The following POLDIP3 variants were observed in gnomAD, a reference collection of about 807,000 sequenced individuals.
The protein encoded by POLDIP3 is DNA polymerase delta interacting protein 3.
POLDIP3 carries 14 observed loss-of-function variants against 45.1 expected under a neutral mutation model. That is an observed-to-expected ratio of 0.31 (90% CI 0.20 to 0.49). POLDIP3 has a LOEUF of 0.49. Ranked by LOEUF, POLDIP3 falls within the 20% of genes least tolerant of loss-of-function variation. The probability of loss-of-function intolerance (pLI) is 0.99; values close to 1 mark genes in which losing one functional copy is unlikely to be tolerated. For synonymous variants in POLDIP3, 223 were observed against 205.2 expected, an observed-to-expected ratio of 1.09 and a Z score of -0.74; for missense variants, 511 against 538.8, an observed-to-expected ratio of 0.95 and a Z score of 0.51.
intron 7 of POLDIP3, 78 bp downstream of exon 7, chr22:42,591,877 T>G (rs1025951448): frequency 1.9e-6 from 3 of 1,585,254 alleles, no homozygotes; most frequent in African/African-American, 1.3e-5. Context: ...TCACAGAGAC[T>G]TCCCCTGGAA....
chr22:42,605,833 T>G (rs1433304104), intron 1 of POLDIP3, among the ~76,000 whole-genome samples: 1 of 152,168 alleles, frequency 6.6e-6, no homozygotes, highest in East Asian at 1.9e-4. Context: ...GACTATGCTT[T>G]GGGGTGACCT....
In POLDIP3 at chr22:42,602,776, G is replaced by A. The variant is rs533856422; in HGVS notation, c.444C>T (p.Thr148=). The part of the protein sequence containing the change: ...TVTPALKLTK[T]IQVPQQKAMA... The stretch of plus-strand genomic sequence containing the variant: ...GACAAAAGCCACAACTCACCTGGAT[G>A]GTTTTGGTGAGCTTCAGAGCAGGGG... Residue 148 remains threonine, a synonymous_variant, in exon 2 of 9, where the codon ACC becomes ACT. Coordinates refer to ENST00000252115, the MANE Select transcript of POLDIP3 (RefSeq NM_032311.5). 6 of 1,596,120 alleles carry A rather than the reference G, an allele frequency of 3.8e-6. No homozygotes were observed. In the South Asian group the frequency reaches 6.7e-5, roughly 18 times the overall value.
intron 1 of POLDIP3, among the ~76,000 whole-genome samples, chr22:42,606,411 G>A (rs1325848146): frequency 1.3e-5 from 2 of 152,110 alleles, no homozygotes; most frequent in Non-Finnish European, 2.9e-5. Flanking sequence ...CAGGAGGATG[G>A]CTTGAGCCCA....
intron 1 of POLDIP3, among the ~76,000 whole-genome samples, chr22:42,605,217 TC>T (rs1926647567): frequency 6.6e-6 from 1 of 152,228 alleles, no homozygotes; most frequent in Non-Finnish European, 1.5e-5. Context: ...AAGCTCCGCC[TC>T]CCGGGTTCAT....
chr22:42,602,186 C>A, intron 2 of POLDIP3, 130 bp from the exon 3 acceptor site: 1 of 1,404,654 alleles, frequency 7.1e-7, no homozygotes. Context: ...TACAGAGGGC[C>A]TTATCCTCCA....
intron 7 of POLDIP3, among the ~76,000 whole-genome samples, chr22:42,588,069 T>C (rs1487955578): frequency 2.0e-5 from 3 of 152,190 alleles, no homozygotes; most frequent in Non-Finnish European, 4.4e-5. Flanking sequence ...AACATTTCCA[T>C]ATCTTACTCG....
chr22:42,586,016 G>C, intron 8 of POLDIP3, 48 bp from the exon 9 acceptor site: 1 of 1,517,830 alleles, frequency 6.6e-7, no homozygotes, highest in Non-Finnish European at 8.9e-7. Flanking sequence ...TTTTTCCTTA[G>C]ATGGGGAGGG....
chr22:42,603,084 G>A lies in POLDIP3; in HGVS notation c.136C>T (p.Arg46Cys), dbSNP rs758458133. ...IQQGLLSQST[R>C]TATFQQRFDA... ...AATCTCTGCTGGAAGGTGGCTGTGC[G>A]TGTTGACTGGCTGAGAAGGCCTTGC... is the stretch of plus-strand genomic sequence containing the variant. Residue 46 changes from arginine to cysteine, a missense_variant, in exon 2 of 9, where the codon CGC (arginine) becomes TGC (cysteine). By Grantham distance (180) the Arg-to-Cys change is radical. Coordinates refer to ENST00000252115, the MANE Select transcript of POLDIP3 (RefSeq NM_032311.5). 8.7e-6 allele frequency: 14 copies of A among 1,614,074 alleles called. No individual in the cohort carries two copies. The highest frequency in any genetic ancestry group is 2.7e-5 in the African/African-American group (2 of 74,922).
intron 3 of POLDIP3, among the ~76,000 whole-genome samples, chr22:42,600,158 A>T (rs939775768): frequency 6.6e-6 from 1 of 152,254 alleles, no homozygotes; most frequent in African/African-American, 2.4e-5. Context: ...ATTTACAAAG[A>T]TGTTCACAGC....
intron 7 of POLDIP3, 65 bp from the exon 8 acceptor site, chr22:42,587,637 G>A: frequency 6.9e-7 from 1 of 1,446,618 alleles, no homozygotes; most frequent in Non-Finnish European, 9.7e-7. Context: ...AAGAGGACAA[G>A]GGCTGTACCT....
At chr22:42,602,194 C>T (rs1207631148) in intron 2 of POLDIP3, 138 bp from the exon 3 acceptor site, 3 of 1,322,232 alleles carry the variant, frequency 2.3e-6, no homozygotes, top group African/African-American at 2.9e-5. Flanking sequence ...GCCTTATCCT[C>T]CACAGTAGGA....
rs1925145614 is a variant in POLDIP3, at chr22:42,584,168, A to G, written c.*1623T>C. On this transcript the variant is annotated 3_prime_UTR_variant, in exon 9 of 9. Coordinates refer to ENST00000252115, the MANE Select transcript of POLDIP3 (RefSeq NM_032311.5). ...TGCCTTCTGGATGCTCTCTTGGGCCAGGAAGGGAAAAGTGTGGGAGGAATG... is the reference window on the plus strand; with the variant it reads ...TGCCTTCTGGATGCTCTCTTGGGCCGGGAAGGGAAAAGTGTGGGAGGAATG... 6.5e-6 allele frequency: 1 copy of G among 153,034 alleles called. No individual in the cohort carries two copies. Among genetic ancestry groups the G allele is most frequent in the South Asian group, 2.1e-4 (1 of 4,834 alleles). 9.5% of individuals were successfully genotyped at this position (153,034 alleles called of 1,614,324 possible).
chr22:42,606,560 T>C (rs1699866610), intron 1 of POLDIP3, among the ~76,000 whole-genome samples: 1 of 152,170 alleles, frequency 6.6e-6, no homozygotes. Context: ...GACTGCAATG[T>C]TGCCGTGAGC....
In POLDIP3 at chr22:42,585,223, A is replaced by G; in HGVS notation, c.*568T>C. 1.9e-6 allele frequency: 1 copy of G among 514,434 alleles called. No homozygotes were observed. The highest frequency in any genetic ancestry group is 3.9e-6 in the Non-Finnish European group (1 of 258,070). 31.9% of individuals were successfully genotyped at this position (514,434 alleles called of 1,614,324 possible). ...TGCCCTTGCCACTAGTGAGGCCTGG[A>G]GCCACTGGGGAGAGGACAAGAGGCC... On this transcript the variant is annotated 3_prime_UTR_variant, in exon 9 of 9. Transcript: ENST00000252115.
chr22:42,585,673 G>A lies in POLDIP3; in HGVS notation c.*118C>T. ...TCCAGTGAGGAAGCTCTTTATCCCT[G>A]GCAACCCTTCCCACAATCAGGGGTC... On this transcript the variant is annotated 3_prime_UTR_variant, in exon 9 of 9. Transcript: ENST00000252115. The A allele has an allele frequency of 2.4e-6, 3 of 1,261,626 alleles. No homozygotes were observed. The highest frequency in any genetic ancestry group is 3.3e-6 in the Non-Finnish European group (3 of 903,162). 78.2% of individuals were successfully genotyped at this position (1,261,626 alleles called of 1,614,324 possible).
chr22:42,601,746 C>G (rs1037696883), intron 3 of POLDIP3, among the ~76,000 whole-genome samples: 1 of 152,164 alleles, frequency 6.6e-6, no homozygotes, highest in African/African-American at 2.4e-5. Flanking sequence ...AGCGACAGAG[C>G]GAGACTCCGT....
Position 42,602,903 on chromosome 22 carries a change from G to A in POLDIP3, c.317C>T (p.Thr106Met), listed in dbSNP as rs149213362. 8.7e-6 allele frequency: 14 copies of A among 1,613,944 alleles called. No homozygotes were observed. The highest frequency in any genetic ancestry group is 3.3e-5 in the Admixed American group (2 of 60,006). ...EMLNSRKQQT[T>M]VPQKPRQVAD... ...AACCTGGCGGGGCTTCTGGGGCACC[G>A]TGGTCTGCTGCTTGCGAGAGTTCAA... Residue 106 changes from threonine to methionine, a missense_variant, in exon 2 of 9, where the codon ACG becomes ATG. Physicochemically the swap from Thr to Met is moderately conservative, Grantham distance 81. Transcript: ENST00000252115.
chr22:42,609,706 G>A (rs1442178395), intron 1 of POLDIP3, among the ~76,000 whole-genome samples: 5 of 150,900 alleles, frequency 3.3e-5, no homozygotes, highest in Non-Finnish European at 7.4e-5. Context: ...GGGTGACAGA[G>A]CAAGATTCCG....
chr22:42,606,812 A>G (rs925522372), intron 1 of POLDIP3, among the ~76,000 whole-genome samples: 1 of 152,154 alleles, frequency 6.6e-6, no homozygotes, highest in African/African-American at 2.4e-5. Flanking sequence ...CACATCTTAT[A>G]AATGAGGAAA....
Sources: allele counts gnomAD v4.1 joint callset (sites outside exome capture counted in the v4.1 genomes callset), GRCh38; gene constraint gnomAD v4.1.1; transcripts MANE v1.5; gene names NCBI Gene and HGNC (gene_info 2026-07-23, HGNC 2026-07-21).